Variants in RIMS1 observed in about 807,000 individuals in gnomAD.
The protein encoded by RIMS1 is regulating synaptic membrane exocytosis 1.
In RIMS1, 83 loss-of-function variants were observed where a neutral mutation model predicts 214.1. The ratio of observed to expected loss-of-function variants is 0.39; its 90% CI spans 0.32 to 0.47. The LOEUF is 0.47. Among genes scored for constraint, RIMS1 ranks in the 20% least tolerant of loss-of-function variants. The pLI, the probability that RIMS1 is intolerant of heterozygous loss-of-function variation, is 0.99. For missense variants in RIMS1, 2,050 were observed against 2,161.8 expected (o/e 0.95, Z 1.03); for synonymous variants, 793 against 786.8 (o/e 1.01, Z -0.13).
intron 2 of RIMS1, among the ~76,000 whole-genome samples, chr6:72,049,260 T>TG (rs1194378889): frequency 6.6e-6 from 1 of 150,944 alleles, no homozygotes; most frequent in African/African-American, 2.4e-5. Context: ...GGAAACAAGT[T>TG]TTTTTTTTTC....
intron 29 of RIMS1, among the ~76,000 whole-genome samples, chr6:72,343,157 T>C (rs983909365): frequency 3.3e-5 from 5 of 151,830 alleles, no homozygotes; most frequent in African/African-American, 1.2e-4. Context: ...AGCTATTCTT[T>C]TGTCTTTCAA....
intron 2 of RIMS1, among the ~76,000 whole-genome samples, chr6:72,013,834 C>T (rs1001427017): frequency 6.6e-6 from 1 of 152,138 alleles, no homozygotes; most frequent in Non-Finnish European, 1.5e-5. Flanking sequence ...AATTGCAGTA[C>T]ATTTTCATCA....
At chr6:71,944,106 A>G (rs937403169) in intron 1 of RIMS1, among the ~76,000 whole-genome samples, 4 of 152,222 alleles carry the variant, frequency 2.6e-5, no homozygotes, top group Admixed American at 1.3e-4. Flanking sequence ...CATTACATCT[A>G]TTACTTGGTA....
chr6:72,326,662 C>G (rs1883822), intron 28 of RIMS1, among the ~76,000 whole-genome samples: 29,282 of 151,608 alleles, frequency 0.19, 3,545 homozygotes, highest in Non-Finnish European at 0.27. Flanking sequence ...AGAGAGACTC[C>G]ATACCCCCAT....
chr6:71,958,215 G>A (rs1389610182), intron 1 of RIMS1, among the ~76,000 whole-genome samples: 1 of 152,098 alleles, frequency 6.6e-6, no homozygotes, highest in East Asian at 1.9e-4. Context: ...GTGGCACAGA[G>A]CAGGTTTCCT....
chr6:72,365,350 A>G (rs2097958708), intron 29 of RIMS1, among the ~76,000 whole-genome samples: 1 of 152,202 alleles, frequency 6.6e-6, no homozygotes, highest in Admixed American at 6.5e-5. Context: ...AGCCTTCTAT[A>G]AACCCAGATA....
At chr6:72,231,432 A>G (rs1381333017) in intron 6 of RIMS1, among the ~76,000 whole-genome samples, 1 of 151,700 alleles carries the variant, frequency 6.6e-6, no homozygotes, top group Non-Finnish European at 1.5e-5. Flanking sequence ...TGCTAAAATA[A>G]TGAATGTGTT....
intron 6 of RIMS1, among the ~76,000 whole-genome samples, chr6:72,216,029 C>T (rs1308873848): frequency 6.6e-6 from 1 of 152,088 alleles, no homozygotes; most frequent in Non-Finnish European, 1.5e-5. Flanking sequence ...AGCAGTCCAC[C>T]TTGATTTTTC....
intron 1 of RIMS1, among the ~76,000 whole-genome samples, chr6:71,924,807 CA>C (rs10652071): frequency 6.0e-3 from 372 of 62,074 alleles, no homozygotes; most frequent in African/African-American, 0.019. Flanking sequence ...ACCCTGTCTC[CA>C]AAAAAAAAAA....
chr6:72,327,113 G>T (rs1028134806), intron 28 of RIMS1, among the ~76,000 whole-genome samples: 16 of 151,568 alleles, frequency 1.1e-4, no homozygotes, highest in African/African-American at 3.1e-4. Flanking sequence ...AGAACTGAAA[G>T]ATAATAAATT....
intron 30 of RIMS1, 59 bp downstream of exon 30, chr6:72,390,795 A>G (rs1326970680): frequency 5.1e-6 from 8 of 1,569,178 alleles, no homozygotes; most frequent in Non-Finnish European, 6.9e-6. Context: ...ACTAATCAGT[A>G]AGATAACAAA....
intron 1 of RIMS1, among the ~76,000 whole-genome samples, chr6:71,914,151 T>TA (rs1294908652): frequency 6.6e-6 from 1 of 152,186 alleles, no homozygotes; most frequent in East Asian, 1.9e-4. Flanking sequence ...GTGACTTGTA[T>TA]ATTTCTTTGT....
intron 10 of RIMS1, among the ~76,000 whole-genome samples, chr6:72,243,527 T>C (rs1428471562): frequency 1.3e-5 from 2 of 151,918 alleles, no homozygotes; most frequent in East Asian, 3.9e-4. Flanking sequence ...ACATATGTTC[T>C]AGTGCTGAGG....
At chr6:72,000,929 T>C (rs523429) in intron 2 of RIMS1, among the ~76,000 whole-genome samples, 33,132 of 152,046 alleles carry the variant, frequency 0.22, 4,431 homozygotes, top group East Asian at 0.33. Context: ...ACTACTATTA[T>C]GTTGCACATA....
chr6:71,970,383 A>G (rs1795562975), intron 2 of RIMS1, among the ~76,000 whole-genome samples: 1 of 152,218 alleles, frequency 6.6e-6, no homozygotes, highest in Non-Finnish European at 1.5e-5. Context: ...TAGGAATTAG[A>G]AAACATTTTA....
chr6:72,216,076 T>C (rs1194585148), intron 6 of RIMS1, among the ~76,000 whole-genome samples: 1 of 152,206 alleles, frequency 6.6e-6, no homozygotes, highest in African/African-American at 2.4e-5. Context: ...AAGTGTATCA[T>C]TATTCATTGC....
At chr6:72,340,047 A>AT (rs1439069010) in intron 29 of RIMS1, among the ~76,000 whole-genome samples, 2 of 152,030 alleles carry the variant, frequency 1.3e-5, no homozygotes, top group Non-Finnish European at 2.9e-5. Context: ...GATGATGAGC[A>AT]TTTTTTCATG....
At chr6:72,025,813 A>G (rs987940758) in intron 2 of RIMS1, among the ~76,000 whole-genome samples, 4 of 152,210 alleles carry the variant, frequency 2.6e-5, no homozygotes, top group African/African-American at 9.7e-5. Flanking sequence ...TTACAGTCAG[A>G]TGTTAGCTGA....
At chr6:72,122,950 G>T (rs1237880037) in intron 4 of RIMS1, among the ~76,000 whole-genome samples, 2 of 151,690 alleles carry the variant, frequency 1.3e-5, no homozygotes, top group Non-Finnish European at 2.9e-5. Context: ...TTTTTTGAAG[G>T]TTTTTTTGTG....
Sources: allele counts gnomAD v4.1 joint callset (sites outside exome capture counted in the v4.1 genomes callset), GRCh38; gene constraint gnomAD v4.1.1; transcripts MANE v1.5; gene names NCBI Gene and HGNC (gene_info 2026-07-23, HGNC 2026-07-21).